FYB2: variants seen among roughly 807,000 people sequenced by gnomAD.
FYB2 encodes FYN binding protein 2, also known as FYN-binding protein 2.
FYB2 carries 103 observed loss-of-function variants against 94.1 expected under a neutral mutation model. The ratio of observed to expected loss-of-function variants is 1.09; its 90% CI spans 0.93 to 1.29. The LOEUF (loss-of-function observed/expected upper bound fraction) is 1.29. FYB2 is among the 50% of genes most tolerant of loss of function. The pLI is 0.00. For synonymous variants in FYB2, 293 were observed against 287.9 expected (o/e 1.02, Z -0.18); for missense variants, 896 against 841.5 (o/e 1.06, Z -0.80).
chr1:56,734,836 G>C (rs1345073481), intron 15 of FYB2, among the ~76,000 whole-genome samples: 1 of 151,718 alleles, frequency 6.6e-6, no homozygotes, highest in South Asian at 2.1e-4. Context: ...AAAATAAAAT[G>C]ACCAATAAAC....
chr1:56,816,649 C>T (rs978888532), intron 1 of FYB2, among the ~76,000 whole-genome samples: 1 of 152,262 alleles, frequency 6.6e-6, no homozygotes, highest in Non-Finnish European at 1.5e-5. Flanking sequence ...CAGTGCTATT[C>T]TAGATAATGT....
At chr1:56,726,691 C>T in intron 15 of FYB2, 108 bp from the exon 16 acceptor site, 1 of 867,012 alleles carries the variant, frequency 1.2e-6, no homozygotes, top group South Asian at 1.9e-5. Flanking sequence ...AAAAAGTCAT[C>T]TAGAAATATA....
chr1:56,726,528 T>C lies in FYB2; in HGVS notation c.1849A>G (p.Lys617Glu), dbSNP rs751618771. 6.2e-7 allele frequency: 1 copy of C among 1,612,414 alleles called. No homozygotes were observed. Among genetic ancestry groups the C allele is most frequent in the Non-Finnish European group, 8.5e-7 (1 of 1,179,036 alleles). The change falls in exon 16 of 20, where the codon AAA (lysine) becomes GAA (glutamate). Residue 617 changes from lysine (K) to glutamate (E), a missense_variant. Transcript: ENST00000343433. Reference sequence around the variant, plus strand: ...GATTCTTCAGCACCGTTTTTCTCTTTTTTTTCCTTTGGTGTCAGAAACTTG... The same window carrying C: ...GATTCTTCAGCACCGTTTTTCTCTTCTTTTTCCTTTGGTGTCAGAAACTTG... ...KPKFLTPKEK[K>E]EKNGAEESES... is the part of the protein sequence containing the mutation.
intron 9 of FYB2, among the ~76,000 whole-genome samples, chr1:56,750,522 A>G (rs1302517164): frequency 6.6e-6 from 1 of 151,962 alleles, no homozygotes; most frequent in East Asian, 1.9e-4. Context: ...TGTGTTTAAC[A>G]TAGTATGGTT....
chr1:56,771,804 G>A (rs1446888074), intron 4 of FYB2, among the ~76,000 whole-genome samples: 1 of 152,112 alleles, frequency 6.6e-6, no homozygotes, highest in Non-Finnish European at 1.5e-5. Flanking sequence ...TCACATAGTT[G>A]TTAGACAGTG....
At chr1:56,733,136 A>G (rs1232763883) in intron 15 of FYB2, among the ~76,000 whole-genome samples, 1 of 151,556 alleles carries the variant, frequency 6.6e-6, no homozygotes, top group African/African-American at 2.4e-5. Flanking sequence ...AGCAAAACAG[A>G]AAAAAAAATT....
chr1:56,810,138 G>A (rs1387042622), intron 1 of FYB2, among the ~76,000 whole-genome samples: 1 of 152,176 alleles, frequency 6.6e-6, no homozygotes, highest in Non-Finnish European at 1.5e-5. Flanking sequence ...GTGATGAAAT[G>A]ACTGTGGCAG....
intron 4 of FYB2, among the ~76,000 whole-genome samples, chr1:56,770,844 GAA>G: frequency 6.6e-6 from 1 of 152,234 alleles, no homozygotes; most frequent in Admixed American, 6.5e-5. Context: ...AGTCATCACT[GAA>G]GAGTCAAATT....
chr1:56,782,339 T>C (rs1646028104), intron 4 of FYB2, among the ~76,000 whole-genome samples: 1 of 152,158 alleles, frequency 6.6e-6, no homozygotes, highest in South Asian at 2.1e-4. Flanking sequence ...TTATAGTACT[T>C]ATTACGATGA....
intron 4 of FYB2, among the ~76,000 whole-genome samples, chr1:56,770,410 G>A (rs916040150): frequency 2.6e-5 from 4 of 152,046 alleles, no homozygotes; most frequent in Non-Finnish European, 2.9e-5. Flanking sequence ...GAAAAGCTAC[G>A]CTACTCGTTT....
intron 1 of FYB2, among the ~76,000 whole-genome samples, chr1:56,798,339 A>T (rs1465115257): frequency 6.6e-6 from 1 of 152,224 alleles, no homozygotes; most frequent in Admixed American, 6.5e-5. Context: ...TCTGGGAAGT[A>T]CAGGCCAAAA....
At chr1:56,766,368 G>C (rs963906509) in intron 5 of FYB2, among the ~76,000 whole-genome samples, 3 of 152,166 alleles carry the variant, frequency 2.0e-5, no homozygotes, top group African/African-American at 7.2e-5. Context: ...CCATTTAGGA[G>C]AATCTAGACT....
intron 1 of FYB2, among the ~76,000 whole-genome samples, chr1:56,812,747 T>C (rs1646795190): frequency 2.0e-5 from 3 of 152,182 alleles, no homozygotes; most frequent in Admixed American, 1.3e-4. Flanking sequence ...AATAAACACT[T>C]CTCAGATTTC....
At position 56,723,613 on chromosome 1, in the gene FYB2, T is replaced by C. The variant is rs1170162820; in HGVS notation, c.1949A>G (p.Glu650Gly). ...CTTAAACCTTTCTCTAAATAGTTTT[T>C]CTTCTCTTTTCATTCTGTTCTTTTC... ...NLEKNRMKRE[E>G]KLFRERFKYD... Residue 650 changes from glutamate to glycine, a missense_variant, in exon 17 of 20, where the codon GAA (glutamate) becomes GGA (glycine). Transcript: ENST00000343433. 4 of 1,558,922 alleles carry C rather than the reference T, an allele frequency of 2.6e-6. No homozygotes were observed. Among genetic ancestry groups the C allele is most frequent in the Non-Finnish European group, 3.5e-6 (4 of 1,135,760 alleles).
intron 5 of FYB2, among the ~76,000 whole-genome samples, chr1:56,763,121 A>C (rs866862190): frequency 6.6e-6 from 1 of 152,222 alleles, no homozygotes; most frequent in Non-Finnish European, 1.5e-5. Flanking sequence ...ACACTTGATC[A>C]TAAAGAATAA....
intron 3 of FYB2, 106 bp downstream of exon 3, chr1:56,788,867 G>A (rs1362993690): frequency 6.9e-7 from 1 of 1,456,806 alleles, no homozygotes; most frequent in Non-Finnish European, 9.6e-7. Flanking sequence ...AGTGATGGAT[G>A]TCCAGCCTCA....
chr1:56,722,125 C>T (rs923344022), intron 17 of FYB2, among the ~76,000 whole-genome samples: 3 of 152,026 alleles, frequency 2.0e-5, no homozygotes. Flanking sequence ...CAAGTAATTG[C>T]CTCACTGTTG....
chr1:56,774,218 G>A (rs1570101241), intron 4 of FYB2, among the ~76,000 whole-genome samples: 1 of 152,082 alleles, frequency 6.6e-6, no homozygotes, highest in East Asian at 1.9e-4. Flanking sequence ...GAGAAACATA[G>A]GCTTCAGAAA....
intron 1 of FYB2, among the ~76,000 whole-genome samples, chr1:56,818,751 G>T (rs1646944118): frequency 6.6e-6 from 1 of 152,148 alleles, no homozygotes; most frequent in Non-Finnish European, 1.5e-5. Context: ...TTTCATGAGT[G>T]AGGGACCCAG....
Sources: allele counts gnomAD v4.1 joint callset (sites outside exome capture counted in the v4.1 genomes callset), GRCh38; gene constraint gnomAD v4.1.1; transcripts MANE v1.5; gene names NCBI Gene and HGNC (gene_info 2026-07-23, HGNC 2026-07-21).